SIL1: variants seen among roughly 807,000 people sequenced by gnomAD.
The protein encoded by SIL1 is nucleotide exchange factor SIL1.
Under a neutral mutation model 49.1 loss-of-function variants are expected in SIL1, and 40 were observed. The observed-to-expected ratio is 0.81, with a 90% CI of 0.63 to 1.06. The LOEUF (loss-of-function observed/expected upper bound fraction) is 1.06. Ranked by LOEUF, SIL1 falls within the 50% of genes least tolerant of loss-of-function variation. The probability of loss-of-function intolerance (pLI) is 0.00; values close to 1 mark genes in which losing one functional copy is unlikely to be tolerated. For missense variants in SIL1, 500 were observed against 572.6 expected (o/e 0.87, Z 1.29); for synonymous variants, 253 against 250.8 (o/e 1.01, Z -0.08).
intron 4 of SIL1, among the ~76,000 whole-genome samples, chr5:139,049,098 T>C (rs1258193284): frequency 6.6e-6 from 1 of 152,214 alleles, no homozygotes; most frequent in East Asian, 1.9e-4. Context: ...GACAGGCATG[T>C]CAAGGAAAAG....
chr5:139,013,785 T>G (rs1285559060), intron 7 of SIL1: 1 of 152,228 alleles, frequency 6.6e-6, no homozygotes, highest in African/African-American at 2.4e-5. Context: ...TGTTTTGCTT[T>G]GTTTCATCAC....
chr5:139,099,046 A>G (rs1463749301), intron 3 of SIL1, among the ~76,000 whole-genome samples: 2 of 151,570 alleles, frequency 1.3e-5, no homozygotes, highest in African/African-American at 2.4e-5. Context: ...CAAACTCCCA[A>G]CCTCAAGTGA....
chr5:139,130,585 T>G (rs1291255763), intron 1 of SIL1, among the ~76,000 whole-genome samples: 1 of 152,142 alleles, frequency 6.6e-6, no homozygotes, highest in African/African-American at 2.4e-5. Context: ...CTCAGAAAGC[T>G]AAATATAGAA....
At chr5:139,018,992 T>C (rs1768461049) in intron 7 of SIL1, among the ~76,000 whole-genome samples, 1 of 152,190 alleles carries the variant, frequency 6.6e-6, no homozygotes, top group African/African-American at 2.4e-5. Context: ...GTCTGCCTAA[T>C]CCTCCTAAAT....
chr5:139,033,157 C>T (rs1768829406), intron 5 of SIL1, among the ~76,000 whole-genome samples: 1 of 151,990 alleles, frequency 6.6e-6, no homozygotes, highest in Admixed American at 6.6e-5. Flanking sequence ...CCATGCCTGG[C>T]TCATTTTTTT....
chr5:138,996,825 A>G (rs1345811654), intron 7 of SIL1, among the ~76,000 whole-genome samples: 2 of 151,680 alleles, frequency 1.3e-5, no homozygotes, highest in Non-Finnish European at 2.9e-5. Context: ...GCCTGTGCAG[A>G]TTTTTAGCTT....
chr5:139,143,243 A>ATATACACATATAAATG (rs1751116511), intron 1 of SIL1, among the ~76,000 whole-genome samples: 2 of 128,772 alleles, frequency 1.6e-5, no homozygotes, highest in Non-Finnish European at 1.5e-5. Flanking sequence ...ACATATATGT[A>ATATACACATATAAATG]TATATACATA....
intron 3 of SIL1, among the ~76,000 whole-genome samples, chr5:139,076,985 T>G (rs192836425): frequency 6.6e-6 from 1 of 152,188 alleles, no homozygotes; most frequent in East Asian, 1.9e-4. Context: ...ATACAAAAAA[T>G]TAGCTGCGCA....
chr5:139,104,528 C>A (rs1770659385), intron 3 of SIL1, among the ~76,000 whole-genome samples: 3 of 152,190 alleles, frequency 2.0e-5, no homozygotes, highest in Admixed American at 2.0e-4. Flanking sequence ...CCTAATGCCC[C>A]TTTTCCTCTC....
At chr5:139,051,460 T>C (rs13182437) in intron 3 of SIL1, among the ~76,000 whole-genome samples, 65,531 of 151,956 alleles carry the variant, frequency 0.43, 15,232 homozygotes, top group African/African-American at 0.62. Flanking sequence ...CTGCCCCTCC[T>C]CGACAGTCAG....
intron 1 of SIL1, among the ~76,000 whole-genome samples, chr5:139,146,698 T>C (rs1166434966): frequency 6.6e-6 from 1 of 152,230 alleles, no homozygotes; most frequent in South Asian, 2.1e-4. Flanking sequence ...GGTTTTATCA[T>C]GAATGTGTGT....
intron 3 of SIL1, among the ~76,000 whole-genome samples, chr5:139,085,827 C>T (rs1002408479): frequency 1.3e-5 from 2 of 151,972 alleles, no homozygotes; most frequent in African/African-American, 4.8e-5. Context: ...AGGGCTCGAG[C>T]CAGAAATCTC....
intron 3 of SIL1, among the ~76,000 whole-genome samples, chr5:139,101,523 T>A (rs1770587023): frequency 6.6e-6 from 1 of 152,256 alleles, no homozygotes; most frequent in Non-Finnish European, 1.5e-5. Context: ...GTATAAATGC[T>A]GTAGCTTCCT....
intron 5 of SIL1, among the ~76,000 whole-genome samples, chr5:139,034,675 G>T (rs1431634781): frequency 6.6e-6 from 1 of 152,134 alleles, no homozygotes; most frequent in Non-Finnish European, 1.5e-5. Context: ...TTCAGAAACA[G>T]ATCTTGTCAT....
chr5:139,165,638 T>A (rs542811289), intron 1 of SIL1, among the ~76,000 whole-genome samples: 80 of 146,992 alleles, frequency 5.4e-4, no homozygotes, highest in Admixed American at 2.6e-3. Context: ...GCCAAACCAA[T>A]GTCTGTCTTT....
At chr5:139,181,592 C>T (rs1350739315) in intron 1 of SIL1, among the ~76,000 whole-genome samples, 2 of 152,170 alleles carry the variant, frequency 1.3e-5, no homozygotes, top group Non-Finnish European at 2.9e-5. Context: ...TTGGCAATTG[C>T]TGGTAAAATT....
intron 1 of SIL1, among the ~76,000 whole-genome samples, chr5:139,137,120 C>T (rs1335037852): frequency 6.6e-6 from 1 of 152,232 alleles, no homozygotes; most frequent in Non-Finnish European, 1.5e-5. Flanking sequence ...AGTGCCACCC[C>T]TTCCCCCAGC....
intron 3 of SIL1, among the ~76,000 whole-genome samples, chr5:139,085,953 T>C (rs1770208528): frequency 6.6e-6 from 1 of 151,824 alleles, no homozygotes; most frequent in South Asian, 2.1e-4. Context: ...TGGACTCCAG[T>C]GAAACAACAG....
intron 1 of SIL1, among the ~76,000 whole-genome samples, chr5:139,163,209 A>G (rs1265175618): frequency 6.6e-6 from 1 of 152,104 alleles, no homozygotes; most frequent in Non-Finnish European, 1.5e-5. Context: ...GGTGAGCCCA[A>G]AGGGCGTCAG....
Sources: allele counts gnomAD v4.1 joint callset (sites outside exome capture counted in the v4.1 genomes callset), GRCh38; gene constraint gnomAD v4.1.1; transcripts MANE v1.5; gene names NCBI Gene and HGNC (gene_info 2026-07-23, HGNC 2026-07-21).